PLPP2: variants seen among roughly 807,000 people sequenced by gnomAD.
PLPP2 encodes PAP2-gamma.
In PLPP2, 29 loss-of-function variants were observed where a neutral mutation model predicts 35.2. The observed-to-expected ratio is 0.82, with a 90% CI of 0.61 to 1.12. The LOEUF (loss-of-function observed/expected upper bound fraction) is 1.12, where lower values mean the gene tolerates loss of function less well. PLPP2 is among the 50% of genes most tolerant of loss of function. The pLI is 0.00. For synonymous variants in PLPP2, 162 were observed against 167.0 expected (o/e 0.97, Z 0.23); for missense variants, 353 against 375.2 (o/e 0.94, Z 0.49).
In PLPP2 at chr19:282,234, A is replaced by C. The variant is rs772693345; in HGVS notation, c.617T>G (p.Phe206Cys). ...RPTVQFFLVAFALYVGYTRVS... is the reference protein window; with the variant it reads ...RPTVQFFLVACALYVGYTRVS... The stretch of plus-strand genomic sequence containing the variant: ...GCGGGTGTAGCCCACGTAGAGGGCA[A>C]AGGCCACCAGGAAGAACTGGACTGT... The change falls in exon 5 of 6, where the codon TTT becomes TGT. Residue 206 changes from phenylalanine to cysteine, a missense_variant. Coordinates refer to ENST00000434325, the MANE Select transcript of PLPP2 (RefSeq NM_003712.4). The C allele has an allele frequency of 6.0e-5, 97 of 1,613,890 alleles. 5 individuals are homozygous for C. The Middle Eastern group carries it at 1.7e-3, about 27-fold the overall frequency.
At chr19:290,686 T>C (rs933370878) in intron 1 of PLPP2, among the ~76,000 whole-genome samples, 4 of 152,290 alleles carry the variant, frequency 2.6e-5, no homozygotes, top group Admixed American at 2.6e-4. Flanking sequence ...GGTTTGGTTC[T>C]CCTGGCCTCC....
At position 287,174 on chromosome 19, in the gene PLPP2, A is replaced by G; in HGVS notation, c.482+300T>C. The stretch of plus-strand genomic sequence containing the variant: ...TCAAGACAAAAATTGTTGAGACAAA[A>G]CTCATATATCTCATTCTATGATGAT... On this transcript the variant is annotated intron_variant, in intron 3 of 5. Transcript: ENST00000434325. The surrounding 1 kb of genome is among the most constrained non-coding windows in gnomAD (Gnocchi z 4.3). 6.6e-6 allele frequency: 2 copies of G among 300,890 alleles called. No homozygotes were observed. The highest frequency in any genetic ancestry group is 1.2e-5 in the Non-Finnish European group (2 of 161,858). 18.6% of individuals were successfully genotyped at this position (300,890 alleles called of 1,614,324 possible).
At position 289,704 on chromosome 19, in the gene PLPP2, G is replaced by GA. The variant is rs1311732122; in HGVS notation, c.53-1534dup. On this transcript the variant is annotated intron_variant, in intron 1 of 5. Transcript: ENST00000434325. Reference sequence around the variant, plus strand: ...GCGACAGGGCGAGACTCTGTCTCAAGAAAGAAAAAAAAAGGGCAGCGCCAG... The same window carrying GA: ...GCGACAGGGCGAGACTCTGTCTCAAGAAAAGAAAAAAAAAGGGCAGCGCCAG... 2.0e-5 allele frequency among the ~76,000 whole-genome samples: 3 copies of GA among 151,518 alleles called. No homozygotes were observed. The East Asian group carries it at 5.8e-4, about 29-fold the overall frequency.
intron 3 of PLPP2, chr19:286,650 A>T (rs983703641): frequency 7.9e-5 from 12 of 152,176 alleles, no homozygotes; most frequent in South Asian, 2.1e-4. Flanking sequence ...TATATAATTT[A>T]AAAAACATTA....
rs775613597 is a variant in PLPP2, at chr19:287,433, C to A, written c.482+41G>T. 6.3e-7 allele frequency: 1 copy of A among 1,575,796 alleles called. No individual in the cohort carries two copies. ...TTTGGCTCCAGGGCCTTCTTCAGCTCCCATTCCCCACAAGAGTGAAGGCTG... is the reference window on the plus strand; with the variant it reads ...TTTGGCTCCAGGGCCTTCTTCAGCTACCATTCCCCACAAGAGTGAAGGCTG... On this transcript the variant is annotated intron_variant, in intron 3 of 5. Transcript: ENST00000434325. This position sits in a 1 kb window ranked among gnomAD's most constrained non-coding sequence, Gnocchi z 4.3.
chr19:288,782 T>TC (rs1199322042), intron 1 of PLPP2, among the ~76,000 whole-genome samples: 6 of 151,866 alleles, frequency 4.0e-5, no homozygotes, highest in African/African-American at 1.5e-4. Context: ...GGAATTGATT[T>TC]CCCCCCATCC....
intron 1 of PLPP2, among the ~76,000 whole-genome samples, chr19:289,236 A>G (rs942797511): frequency 3.3e-5 from 5 of 152,214 alleles, no homozygotes; most frequent in African/African-American, 7.2e-5. Context: ...TTGGCCCAGC[A>G]GGGCAAGTAC....
chr19:288,949 G>C (rs565525686), intron 1 of PLPP2, among the ~76,000 whole-genome samples: 1 of 152,334 alleles, frequency 6.6e-6, no homozygotes, highest in East Asian at 1.9e-4. Context: ...AAGAAGCCAA[G>C]GAAGGGCACA....
intron 3 of PLPP2, chr19:286,842 G>C (rs765895201): frequency 9.2e-5 from 14 of 152,242 alleles, no homozygotes; most frequent in Non-Finnish European, 1.6e-4. Context: ...GCACGTTCCT[G>C]TAGTCCTAGC....
At chr19:281,585 C>T in intron 5 of PLPP2, 48 bp from the exon 6 acceptor site, 1 of 1,408,712 alleles carries the variant, frequency 7.1e-7, no homozygotes, top group Non-Finnish European at 9.3e-7. Context: ...TGTCCAGGTA[C>T]CAGGGACATG....
intron 3 of PLPP2, chr19:285,622 A>G (rs1277197822): frequency 6.7e-6 from 1 of 149,412 alleles, no homozygotes; most frequent in African/African-American, 2.5e-5. Context: ...AGAAAAGGAG[A>G]AAAAAAACAT....
chr19:291,196 C>T, intron 1 of PLPP2, 89 bp downstream of exon 1: 2 of 1,582,846 alleles, frequency 1.3e-6, no homozygotes, highest in Non-Finnish European at 1.7e-6. Flanking sequence ...GGCGCGCAGC[C>T]TCCGCGTTCC....
Position 287,860 on chromosome 19 carries a change from G to T in PLPP2, c.205-109C>A. ...CTGGAGAGCTGGGGACTCTGAAGGG[G>T]GCCCTATTACCCACAGGTACCACTC... On this transcript the variant is annotated intron_variant, in intron 2 of 5. Coordinates refer to ENST00000434325, the MANE Select transcript of PLPP2 (RefSeq NM_003712.4). The surrounding 1 kb of genome is among the most constrained non-coding windows in gnomAD (Gnocchi z 4.3). The T allele has an allele frequency of 6.6e-7, 1 of 1,520,702 alleles. No individual in the cohort carries two copies. The highest frequency in any genetic ancestry group is 2.3e-5 in the East Asian group (1 of 44,080). 94.2% of individuals were successfully genotyped at this position (1,520,702 alleles called of 1,614,324 possible).
At position 287,509 on chromosome 19, in the gene PLPP2, C is replaced by A; in HGVS notation, c.447G>T (p.Val149=). Residue 149 remains valine, a synonymous_variant, in exon 3 of 6, where the codon GTG becomes GTT. Coordinates refer to ENST00000434325, the MANE Select transcript of PLPP2 (RefSeq NM_003712.4). The surrounding 1 kb of genome is among the most constrained non-coding windows in gnomAD (Gnocchi z 4.3). Reference sequence around the variant, plus strand: ...TGACATCAGCAGGGTTTCCCCTGCACACCTTCTCCAGCTGCACATAGACCG... The same window carrying A: ...TGACATCAGCAGGGTTTCCCCTGCAAACCTTCTCCAGCTGCACATAGACCG... The part of the protein sequence containing the change: ...NCSVYVQLEK[V]CRGNPADVTE... The A allele has an allele frequency of 6.2e-7, 1 of 1,613,406 alleles. No homozygotes were observed. Among genetic ancestry groups the A allele is most frequent in the South Asian group, 1.1e-5 (1 of 91,082 alleles).
At chr19:282,048 G>A in intron 5 of PLPP2, 86 bp downstream of exon 5, 1 of 1,484,250 alleles carries the variant, frequency 6.7e-7, no homozygotes. Flanking sequence ...GACTCAGTGG[G>A]GCAAGGGTAC....
At position 288,110 on chromosome 19, in the gene PLPP2, G is replaced by A. The variant is rs372291960; in HGVS notation, c.114C>T (p.Cys38=). ...VNAPYKRGFY[C]GDDSIRYPYR... ...AGGGGTACCGGATGGAGTCATCCCCGCAGTAAAATCCTCGCTTGTACGGGG... is the reference window on the plus strand; with the variant it reads ...AGGGGTACCGGATGGAGTCATCCCCACAGTAAAATCCTCGCTTGTACGGGG... The change falls in exon 2 of 6, where the codon TGC becomes TGT. Residue 38 remains cysteine (C), a synonymous_variant. Coordinates refer to ENST00000434325, the MANE Select transcript of PLPP2 (RefSeq NM_003712.4). 3.8e-5 allele frequency: 62 copies of A among 1,612,744 alleles called. No homozygotes were observed. The Middle Eastern group carries it at 6.6e-4, about 17-fold the overall frequency.
Position 287,720 on chromosome 19 carries a change from G to A in PLPP2, c.236C>T (p.Thr79Ile), listed in dbSNP as rs148888635. The change falls in exon 3 of 6, where the codon ACA (threonine) becomes ATA (isoleucine). Residue 79 changes from threonine (T) to isoleucine (I), a missense_variant. Coordinates refer to ENST00000434325, the MANE Select transcript of PLPP2 (RefSeq NM_003712.4). The surrounding 1 kb of genome is among the most constrained non-coding windows in gnomAD (Gnocchi z 4.3). ...VSAGEAYLVY[T>I]DRLYSRSDFN... ...GTCCGAGCGAGAATAGAGCCGGTCT[G>A]TGTACACCAGGTAGGCTTCCCCGGC... 19 of 1,613,742 alleles carry A rather than the reference G, an allele frequency of 1.2e-5. No individual in the cohort carries two copies. In the African/African-American group the frequency reaches 2.5e-4, roughly 22 times the overall value.
Position 288,035 on chromosome 19 carries a change from CG to C in PLPP2, c.188del (p.Thr63ArgfsTer46), listed in dbSNP as rs1970304836. On this transcript the variant is annotated frameshift_variant, in exon 2 of 6. Transcript: ENST00000434325. LOFTEE classifies it high-confidence loss of function. ...CCTGCCTTACAAGGATGACGGTGGC[CG>C]TGATGGTGACCCCAGCCATGAGCCC... Reference protein sequence around the residue: ...THGLMAGVTITATVILVSAGE... With the variant: ...THGLMAGVTIXATVILVSAGE... 6.2e-7 allele frequency: 1 copy of C among 1,613,574 alleles called. No homozygotes were observed. The highest frequency in any genetic ancestry group is 8.5e-7 in the Non-Finnish European group (1 of 1,179,946).
rs779432864 is a variant in PLPP2 at position 291,266 on chromosome 19, G to A, written c.52+19C>T. 1.6e-5 allele frequency: 26 copies of A among 1,599,812 alleles called. No individual in the cohort carries two copies. The highest frequency in any genetic ancestry group is 2.7e-5 in the African/African-American group (2 of 73,102). On this transcript the variant is annotated intron_variant, in intron 1 of 5. Transcript: ENST00000434325. ...TCCCGGGAGGGTCCCCCCAACACCC[G>A]GGTCCCCAAGGCTCTTACCGACCAG... is the stretch of plus-strand genomic sequence containing the variant.
Sources: gnomAD v4.1 joint callset for allele counts (sites outside exome capture counted in the v4.1 genomes callset) on GRCh38, gnomAD v4.1.1 for gene constraint, Gnocchi (gnomAD v3.1) non-coding constraint, MANE v1.5 for transcripts, NCBI Gene and HGNC (gene_info 2026-07-23, HGNC 2026-07-21) for gene names.